Variants in AGMO observed in about 807,000 individuals in gnomAD.
AGMO encodes alkylglycerol monooxygenase, also known as glyceryl-ether monooxygenase.
Under a neutral mutation model 60.2 loss-of-function variants are expected in AGMO, and 75 were observed. The ratio of observed to expected loss-of-function variants is 1.25; its 90% CI spans 1.03 to 1.51. The LOEUF is 1.51. Ranked by LOEUF, AGMO falls within the 40% of genes most tolerant of loss-of-function variation. The pLI is 0.00. For missense variants in AGMO, 763 were observed against 525.5 expected (o/e 1.45, Z -4.42); for synonymous variants, 261 against 177.1 (o/e 1.47, Z -3.76).
chr7:15,556,732 G>C (rs1403057871), intron 2 of AGMO, among the ~76,000 whole-genome samples: 9 of 151,886 alleles, frequency 5.9e-5, no homozygotes, highest in Non-Finnish European at 1.3e-4. Context: ...CAATAGATTT[G>C]GTAAATATTT....
chr7:15,185,366 T>G, the AGMO span, among the ~76,000 whole-genome samples: 16 of 152,188 alleles, frequency 1.1e-4, no homozygotes, highest in African/African-American at 2.9e-4. Context: ...TAAAGTACAT[T>G]AGGTTTCAAT....
chr7:15,241,392 G>A (rs576269873), intron 12 of AGMO, among the ~76,000 whole-genome samples: 9 of 147,828 alleles, frequency 6.1e-5, no homozygotes, highest in African/African-American at 1.0e-4. Flanking sequence ...CCCAAGAGGC[G>A]GAGCTTGCAG....
intron 3 of AGMO, among the ~76,000 whole-genome samples, chr7:15,506,194 T>C (rs1476046244): frequency 6.6e-6 from 1 of 152,062 alleles, no homozygotes; most frequent in African/African-American, 2.4e-5. Flanking sequence ...ATACACTGAG[T>C]AAAGTTTTCA....
At chr7:15,144,480 AAAAT>A in the AGMO span, among the ~76,000 whole-genome samples, 6 of 152,230 alleles carry the variant, frequency 3.9e-5, no homozygotes, top group African/African-American at 1.2e-4. Context: ...GCAAATGAGA[AAAAT>A]AAGTCAAAAA....
the AGMO span, among the ~76,000 whole-genome samples, chr7:15,152,221 G>A: frequency 1.3e-5 from 2 of 151,796 alleles, no homozygotes; most frequent in South Asian, 2.1e-4. Context: ...CTCTTTTTTT[G>A]TTTTGTTTTT....
At chr7:15,161,484 T>G in the AGMO span, among the ~76,000 whole-genome samples, 1 of 151,200 alleles carries the variant, frequency 6.6e-6, no homozygotes, top group Non-Finnish European at 1.5e-5. Context: ...AAGTATATGC[T>G]TGTATAAATA....
At chr7:15,139,936 ATATAT>A in the AGMO span, among the ~76,000 whole-genome samples, 19 of 151,098 alleles carry the variant, frequency 1.3e-4, no homozygotes, top group East Asian at 2.5e-3. Context: ...AATAAATTAA[ATATAT>A]TATATGTTAG....
chr7:15,322,639 T>A (rs867696166), intron 12 of AGMO, among the ~76,000 whole-genome samples: 23 of 62,284 alleles, frequency 3.7e-4, no homozygotes, highest in East Asian at 7.4e-4. Context: ...TAAATATATA[T>A]AAATATATAA....
the AGMO span, among the ~76,000 whole-genome samples, chr7:15,146,973 A>G: frequency 6.6e-6 from 1 of 152,228 alleles, no homozygotes; most frequent in South Asian, 2.1e-4. Context: ...ATTATTTAGG[A>G]TATACATTTC....
intron 12 of AGMO, among the ~76,000 whole-genome samples, chr7:15,335,118 T>C (rs1441893031): frequency 6.6e-6 from 1 of 152,182 alleles, no homozygotes; most frequent in Non-Finnish European, 1.5e-5. Context: ...AATAAACTAA[T>C]GTAAAGTGTT....
At chr7:15,421,195 C>G (rs1780912682) in intron 4 of AGMO, among the ~76,000 whole-genome samples, 1 of 152,036 alleles carries the variant, frequency 6.6e-6, no homozygotes, top group Non-Finnish European at 1.5e-5. Context: ...CTTGACAGAC[C>G]TCAGGGAATC....
At chr7:15,176,400 T>G in the AGMO span, among the ~76,000 whole-genome samples, 1 of 151,904 alleles carries the variant, frequency 6.6e-6, no homozygotes, top group Non-Finnish European at 1.5e-5. Flanking sequence ...AAACTGAATA[T>G]TTAAAGAAAT....
At chr7:15,152,883 T>C in the AGMO span, among the ~76,000 whole-genome samples, 1 of 152,202 alleles carries the variant, frequency 6.6e-6, no homozygotes, top group African/African-American at 2.4e-5. Flanking sequence ...CTGGATCAAA[T>C]GACAGATCTA....
At chr7:15,336,423 A>G (rs1323069757) in intron 12 of AGMO, among the ~76,000 whole-genome samples, 1 of 147,048 alleles carries the variant, frequency 6.8e-6, no homozygotes, top group African/African-American at 2.5e-5. Flanking sequence ...TATGGCAAAA[A>G]AAAAAGAAAA....
intron 12 of AGMO, among the ~76,000 whole-genome samples, chr7:15,210,514 A>G (rs1162041495): frequency 6.6e-6 from 1 of 152,152 alleles, no homozygotes; most frequent in East Asian, 1.9e-4. Flanking sequence ...TATAGGTAGC[A>G]GATGCAGAGT....
chr7:15,287,870 C>T (rs57082738), intron 12 of AGMO, among the ~76,000 whole-genome samples: 20,101 of 152,020 alleles, frequency 0.13, 1,973 homozygotes, highest in African/African-American at 0.26. Flanking sequence ...AGAATTCTAA[C>T]CTTTTCAATT....
chr7:15,404,531 C>G (rs933617953), intron 5 of AGMO, among the ~76,000 whole-genome samples: 1 of 151,878 alleles, frequency 6.6e-6, no homozygotes, highest in Non-Finnish European at 1.5e-5. Context: ...CCATCTCAAA[C>G]TTCATCCTTA....
intron 12 of AGMO, among the ~76,000 whole-genome samples, chr7:15,203,014 G>C (rs950278560): frequency 3.3e-5 from 5 of 152,070 alleles, no homozygotes; most frequent in African/African-American, 1.2e-4. Context: ...TATTCAGCAA[G>C]CAACTAATAC....
intron 12 of AGMO, among the ~76,000 whole-genome samples, chr7:15,234,928 G>A (rs369276915): frequency 2.8e-4 from 43 of 152,148 alleles, no homozygotes; most frequent in East Asian, 2.7e-3. Context: ...AATTTATAAA[G>A]ATCTGGTCTC....
Sources: gnomAD v4.1 joint callset for allele counts (sites outside exome capture counted in the v4.1 genomes callset) on GRCh38, gnomAD v4.1.1 for gene constraint, MANE v1.5 for transcripts, NCBI Gene and HGNC (gene_info 2026-07-23, HGNC 2026-07-21) for gene names.